FHIT: variants seen among roughly 807,000 people sequenced by gnomAD.
FHIT encodes fragile histidine triad diadenosine triphosphatase.
In FHIT, 19 loss-of-function variants were observed where a neutral mutation model predicts 17.9. The observed-to-expected ratio is 1.06, with a 90% confidence interval of 0.74 to 1.56. FHIT has a LOEUF of 1.56. Among genes scored for constraint, FHIT ranks in the 40% most tolerant of loss-of-function variants. The pLI is 0.00. For synonymous variants in FHIT, 81 were observed against 69.7 expected (o/e 1.16, Z -0.81); for missense variants, 248 against 189.2 (o/e 1.31, Z -1.82).
intron 8 of FHIT, among the ~76,000 whole-genome samples, chr3:59,835,245 G>C (rs538852931): frequency 8.5e-4 from 129 of 152,206 alleles, no homozygotes; most frequent in African/African-American, 2.8e-3. Context: ...TTTGGGTAAT[G>C]GTTTGGATGT....
chr3:59,971,582 G>A (rs1708185488), intron 7 of FHIT, among the ~76,000 whole-genome samples: 1 of 152,100 alleles, frequency 6.6e-6, no homozygotes, highest in South Asian at 2.1e-4. Context: ...TAACTAATGG[G>A]AGGCAGAACT....
At chr3:60,230,793 C>A (rs1169204465) in intron 5 of FHIT, among the ~76,000 whole-genome samples, 1 of 152,340 alleles carries the variant, frequency 6.6e-6, no homozygotes, top group East Asian at 1.9e-4. Flanking sequence ...TGACTATGAC[C>A]TCCCCATCCT....
rs1010775665 is a variant in FHIT at position 59,772,248 on chromosome 3, C to G, written c.349-19927G>C. Among the ~76,000 whole-genome samples, 7 of 152,352 alleles carry G rather than the reference C, an allele frequency of 4.6e-5. No individual in the cohort carries two copies. In the East Asian group the frequency reaches 1.4e-3, roughly 29 times the overall value. On this transcript the variant is annotated intron_variant, in intron 8 of 9. Transcript: ENST00000492590. ...AAGTTAGAAGACCTGGACTTGAGCTCTATCACTCCCTCTGGGTCATGTTGT... is the reference window on the plus strand; with the variant it reads ...AAGTTAGAAGACCTGGACTTGAGCTGTATCACTCCCTCTGGGTCATGTTGT...
At chr3:61,099,801 C>G (rs980574236) in intron 2 of FHIT, among the ~76,000 whole-genome samples, 2 of 151,918 alleles carry the variant, frequency 1.3e-5, no homozygotes, top group Admixed American at 6.6e-5. Context: ...TGAATCTTCT[C>G]TCTTTTCTTC....
chr3:61,036,842 C>T (rs1366508539), intron 3 of FHIT, among the ~76,000 whole-genome samples: 5 of 151,586 alleles, frequency 3.3e-5, no homozygotes, highest in Admixed American at 2.0e-4. Flanking sequence ...TGGGCTTTCT[C>T]ACTGACTTGC....
intron 8 of FHIT, among the ~76,000 whole-genome samples, chr3:59,824,061 T>C (rs1440760542): frequency 1.3e-5 from 2 of 151,948 alleles, no homozygotes; most frequent in Admixed American, 6.5e-5. Flanking sequence ...AGCAACCTAG[T>C]TGAGAATCAA....
intron 4 of FHIT, among the ~76,000 whole-genome samples, chr3:60,712,490 T>TA (rs1279989519): frequency 6.6e-6 from 1 of 151,230 alleles, no homozygotes; most frequent in East Asian, 2.0e-4. Flanking sequence ...GCAAACTGGA[T>TA]AAAGAGTCAA....
At chr3:59,872,589 C>A (rs1387482236) in intron 8 of FHIT, among the ~76,000 whole-genome samples, 1 of 152,034 alleles carries the variant, frequency 6.6e-6, no homozygotes, top group Non-Finnish European at 1.5e-5. Flanking sequence ...AGTTTTCCAC[C>A]AGGTTGCATA....
At chr3:59,967,429 G>C (rs1209956643) in intron 7 of FHIT, among the ~76,000 whole-genome samples, 1 of 152,132 alleles carries the variant, frequency 6.6e-6, no homozygotes, top group African/African-American at 2.4e-5. Flanking sequence ...CTATGAACAA[G>C]GGAATAATGC....
chr3:60,268,376 C>A (rs771272218), intron 5 of FHIT, among the ~76,000 whole-genome samples: 1 of 152,118 alleles, frequency 6.6e-6, no homozygotes, highest in African/African-American at 2.4e-5. Flanking sequence ...CATAGCAGTT[C>A]ATTTGTCTAT....
chr3:60,194,437 C>T (rs1222558302), intron 5 of FHIT, among the ~76,000 whole-genome samples: 1 of 152,084 alleles, frequency 6.6e-6, no homozygotes, highest in African/African-American at 2.4e-5. Context: ...AAAATCAACT[C>T]AAGAGGGATT....
intron 5 of FHIT, among the ~76,000 whole-genome samples, chr3:60,405,713 G>A (rs1410267454): frequency 6.6e-6 from 1 of 152,184 alleles, no homozygotes; most frequent in East Asian, 1.9e-4. Flanking sequence ...TAGCAAAGTT[G>A]GGAGACATTT....
intron 5 of FHIT, among the ~76,000 whole-genome samples, chr3:60,491,174 T>C (rs933721520): frequency 1.3e-5 from 2 of 152,120 alleles, no homozygotes; most frequent in African/African-American, 2.4e-5. Context: ...TACTGAAATA[T>C]GATTTTTATT....
intron 5 of FHIT, among the ~76,000 whole-genome samples, chr3:60,116,389 C>T (rs1576133599): frequency 6.6e-6 from 1 of 152,170 alleles, no homozygotes; most frequent in South Asian, 2.1e-4. Flanking sequence ...GCGGGCATCA[C>T]CATTTGAACT....
chr3:60,878,082 A>C (rs1553756906), intron 3 of FHIT, among the ~76,000 whole-genome samples: 1 of 152,002 alleles, frequency 6.6e-6, no homozygotes, highest in African/African-American at 2.4e-5. Flanking sequence ...CAAACCCCTA[A>C]AACTCTGCTT....
intron 5 of FHIT, among the ~76,000 whole-genome samples, chr3:60,406,748 A>G (rs1030291602): frequency 2.6e-5 from 4 of 152,176 alleles, no homozygotes; most frequent in African/African-American, 9.6e-5. Context: ...CATTCCATGA[A>G]TTTTTGGTAA....
chr3:60,556,579 A>T (rs1263050142), intron 4 of FHIT, among the ~76,000 whole-genome samples: 1 of 152,210 alleles, frequency 6.6e-6, no homozygotes, highest in Non-Finnish European at 1.5e-5. Context: ...AACAAAACCC[A>T]CAGAAGTCAA....
chr3:60,134,240 C>A lies in FHIT; in HGVS notation c.104-120088G>T, dbSNP rs1699714475. Among the ~76,000 whole-genome samples the A allele has an allele frequency of 2.0e-5, 3 of 152,246 alleles. No homozygotes were observed. In the South Asian group the frequency reaches 6.2e-4, roughly 32 times the overall value. On this transcript the variant is annotated intron_variant, in intron 5 of 9. Coordinates refer to ENST00000492590, the MANE Select transcript of FHIT (RefSeq NM_002012.4). ...GATAGGAAAATATCCATGACACTTC[C>A]AGTATTTGCAAAACAGGTTCAAAAA...
chr3:60,252,229 C>T (rs1705747385), intron 5 of FHIT, among the ~76,000 whole-genome samples: 1 of 152,024 alleles, frequency 6.6e-6, no homozygotes, highest in African/African-American at 2.4e-5. Flanking sequence ...AAAGTCTACA[C>T]AAGTAGACAA....
Sources: allele counts gnomAD v4.1 joint callset (sites outside exome capture counted in the v4.1 genomes callset), GRCh38; gene constraint gnomAD v4.1.1; transcripts MANE v1.5; gene names NCBI Gene and HGNC (gene_info 2026-07-23, HGNC 2026-07-21).